SLCO3A1: variants seen among roughly 807,000 people sequenced by gnomAD.
The protein encoded by SLCO3A1 is PGE1 transporter.
SLCO3A1 carries 27 observed loss-of-function variants against 63.1 expected under a neutral mutation model. The ratio of observed to expected loss-of-function variants is 0.43; its 90% CI spans 0.32 to 0.59. The LOEUF (loss-of-function observed/expected upper bound fraction) is 0.59, where lower values mean the gene tolerates loss of function less well. Among genes scored for constraint, SLCO3A1 ranks in the 20% least tolerant of loss-of-function variants. The pLI is 0.09. For missense variants in SLCO3A1, 773 were observed against 945.8 expected, an observed-to-expected ratio of 0.82 and a Z score of 2.40; for synonymous variants, 473 against 409.9, an observed-to-expected ratio of 1.15 and a Z score of -1.86.
rs540722530 is a variant in SLCO3A1, at chr15:91,968,284, A to G, written c.646+51826A>G. On this transcript the variant is annotated intron_variant, in intron 2 of 9. Transcript: ENST00000318445. The surrounding 1 kb of genome is among the most constrained non-coding windows in gnomAD (Gnocchi z 4.2). Reference sequence around the variant, plus strand: ...CTTCTCCACCTGGGGAAAACAGCAGATGGAGGAGAGGAAAGAGAAGTTTAG... The same window carrying G: ...CTTCTCCACCTGGGGAAAACAGCAGGTGGAGGAGAGGAAAGAGAAGTTTAG... Among the ~76,000 whole-genome samples the G allele has an allele frequency of 6.6e-6, 1 of 152,202 alleles. No homozygotes were observed. The highest frequency in any genetic ancestry group is 6.5e-5 in the Admixed American group (1 of 15,288).
chr15:92,088,944 G>A (rs1301616512), intron 2 of SLCO3A1, among the ~76,000 whole-genome samples: 1 of 152,050 alleles, frequency 6.6e-6, no homozygotes, highest in Admixed American at 6.5e-5. Flanking sequence ...GGGGGCCACT[G>A]TTCTTCCTGC....
chr15:92,034,399 C>G (rs1477805835), intron 2 of SLCO3A1, among the ~76,000 whole-genome samples: 1 of 151,376 alleles, frequency 6.6e-6, no homozygotes, highest in Non-Finnish European at 1.5e-5. Context: ...CTGGAACATC[C>G]AAGTGGAGAC....
chr15:91,880,289 A>G (rs1897537871), intron 1 of SLCO3A1, among the ~76,000 whole-genome samples: 1 of 152,054 alleles, frequency 6.6e-6, no homozygotes, highest in Admixed American at 6.6e-5. Context: ...CAATAGTAAC[A>G]TATTGCAAAA....
chr15:91,871,234 A>T (rs950107260), intron 1 of SLCO3A1, among the ~76,000 whole-genome samples: 5 of 152,162 alleles, frequency 3.3e-5, no homozygotes, highest in African/African-American at 9.7e-5. Flanking sequence ...CTGAAGACTT[A>T]TGAAATGTCT....
At chr15:91,861,763 A>T (rs993201472) in intron 1 of SLCO3A1, among the ~76,000 whole-genome samples, 2 of 151,272 alleles carry the variant, frequency 1.3e-5, no homozygotes, top group African/African-American at 4.9e-5. Context: ...AGCTGGGACT[A>T]CCGGCACATA....
chr15:92,059,974 C>T (rs904085367), intron 2 of SLCO3A1, among the ~76,000 whole-genome samples: 4 of 152,150 alleles, frequency 2.6e-5, no homozygotes, highest in African/African-American at 9.7e-5. Context: ...TCCTAGGCTA[C>T]AAACCTGTAC....
chr15:92,105,408 T>G (rs997389324), intron 4 of SLCO3A1, among the ~76,000 whole-genome samples: 1 of 152,152 alleles, frequency 6.6e-6, no homozygotes, highest in Non-Finnish European at 1.5e-5. Flanking sequence ...AGTCACACTT[T>G]AGGATGCAGC....
At chr15:92,058,538 T>C (rs79974731) in intron 2 of SLCO3A1, among the ~76,000 whole-genome samples, 1,617 of 152,112 alleles carry the variant, frequency 0.011, 26 homozygotes, top group African/African-American at 0.035. Context: ...TGCTATCCCA[T>C]GGAAGAGAAG....
At chr15:92,104,158 C>A (rs996382925) in intron 3 of SLCO3A1, 121 bp from the exon 4 acceptor site, 1 of 1,158,802 alleles carries the variant, frequency 8.6e-7, no homozygotes, top group Non-Finnish European at 1.2e-6. Context: ...AGCCAGTGTT[C>A]CCGACCGCAA....
In SLCO3A1 at chr15:91,946,500, AAATGGTTCAGTCAGTTATGTT is replaced by A. The variant is rs1899810610; in HGVS notation, c.646+30044_646+30064del. 3.9e-5 allele frequency among the ~76,000 whole-genome samples: 6 copies of A among 152,348 alleles called. No homozygotes were observed. The South Asian group carries it at 1.2e-3, about 32-fold the overall frequency. On this transcript the variant is annotated intron_variant, in intron 2 of 9. Coordinates refer to ENST00000318445, the MANE Select transcript of SLCO3A1 (RefSeq NM_013272.4). ...ATTTGAAAGTGGCCAGTATGTAGGG[AAATGGTTCAGTCAGTTATGTT>A]ATATGAAAATGATGGAATATTTCCC...
In SLCO3A1 at chr15:91,994,090, G is replaced by C. The variant is rs185089796; in HGVS notation, c.646+77632G>C. On this transcript the variant is annotated intron_variant, in intron 2 of 9. Coordinates refer to ENST00000318445, the MANE Select transcript of SLCO3A1 (RefSeq NM_013272.4). ...CTTAAATTCCTGACCTATAAAATTTGCGTGACATGATAAATGTTTATTGTA... is the reference window on the plus strand; with the variant it reads ...CTTAAATTCCTGACCTATAAAATTTCCGTGACATGATAAATGTTTATTGTA... 2.7e-3 allele frequency among the ~76,000 whole-genome samples: 409 copies of C among 152,290 alleles called. 1 individual carries two copies. The highest frequency in any genetic ancestry group is 9.6e-3 in the African/African-American group (398 of 41,556).
At chr15:91,977,730 C>G (rs1008265770) in intron 2 of SLCO3A1, among the ~76,000 whole-genome samples, 14 of 152,156 alleles carry the variant, frequency 9.2e-5, no homozygotes, top group Admixed American at 8.5e-4. Context: ...CCAAAAAACA[C>G]CTGTACCCCA....
At chr15:91,945,002 G>A (rs767878167) in intron 2 of SLCO3A1, among the ~76,000 whole-genome samples, 4 of 152,132 alleles carry the variant, frequency 2.6e-5, no homozygotes, top group Non-Finnish European at 5.9e-5. Flanking sequence ...AACAGTTTTT[G>A]TTCTGAGCTA....
At position 91,856,482 on chromosome 15, in the gene SLCO3A1, G is replaced by A. The variant is rs1249719154; in HGVS notation, c.180+2394G>A. 6.6e-6 allele frequency among the ~76,000 whole-genome samples: 1 copy of A among 152,134 alleles called. No homozygotes were observed. Among genetic ancestry groups the A allele is most frequent in the Non-Finnish European group, 1.5e-5 (1 of 68,018 alleles). Reference sequence around the variant, plus strand: ...CCACTTCAGAGTTTTCTCTTCATCTGTTATTTGGGAGATGGGGAAAAAAAG... The same window carrying A: ...CCACTTCAGAGTTTTCTCTTCATCTATTATTTGGGAGATGGGGAAAAAAAG... On this transcript the variant is annotated intron_variant, in intron 1 of 9. Transcript: ENST00000318445. This position sits in a 1 kb window ranked among gnomAD's most constrained non-coding sequence, Gnocchi z 4.9.
rs961670513 is a variant in SLCO3A1, at chr15:91,882,315, C to T, written c.180+28227C>T. ...AGTGGAATTGTGGACAAACCATTCA[C>T]ACTCCTTAAATGGTATATATTGAAC... On this transcript the variant is annotated intron_variant, in intron 1 of 9. Transcript: ENST00000318445. The surrounding 1 kb of genome is among the most constrained non-coding windows in gnomAD (Gnocchi z 4.4). Among the ~76,000 whole-genome samples, 4 of 152,182 alleles carry T rather than the reference C, an allele frequency of 2.6e-5. No homozygotes were observed. The highest frequency in any genetic ancestry group is 9.7e-5 in the African/African-American group (4 of 41,448).
intron 9 of SLCO3A1, chr15:92,157,349 A>C (rs752390783): frequency 3.9e-5 from 6 of 152,170 alleles, no homozygotes; most frequent in Non-Finnish European, 8.8e-5. Flanking sequence ...CACCACCATC[A>C]TCAAGCTCCC....
chr15:92,036,125 A>G (rs2046722494), intron 2 of SLCO3A1, among the ~76,000 whole-genome samples: 1 of 152,186 alleles, frequency 6.6e-6, no homozygotes, highest in South Asian at 2.1e-4. Context: ...AAGATGCCCC[A>G]TCTGTTTTCT....
At chr15:91,959,723 C>CAAAAA (rs34759500) in intron 2 of SLCO3A1, among the ~76,000 whole-genome samples, 64 of 71,720 alleles carry the variant, frequency 8.9e-4, no homozygotes, top group East Asian at 2.1e-3. Context: ...GACTCCATCT[C>CAAAAA]AAAAAAAAAA....
chr15:92,163,477 G>A lies in SLCO3A1; in HGVS notation c.*342G>A, dbSNP rs1322637485. The A allele has an allele frequency of 6.8e-6, 7 of 1,026,982 alleles. No individual in the cohort carries two copies. Among genetic ancestry groups the A allele is most frequent in the Non-Finnish European group, 1.2e-6 (1 of 858,172 alleles). The allele number at this position is 1,026,982 out of a possible 1,614,324, so 63.6% of individuals were successfully genotyped here. ...AGGGAACAGTGGTGGCCAGCTTGGA[G>A]GATGGACATTTCTGGATACACATAC... On this transcript the variant is annotated 3_prime_UTR_variant, in exon 10 of 10. Transcript: ENST00000318445.
Sources: gnomAD v4.1 joint callset for allele counts (sites outside exome capture counted in the v4.1 genomes callset) on GRCh38, gnomAD v4.1.1 for gene constraint, Gnocchi (gnomAD v3.1) non-coding constraint, MANE v1.5 for transcripts, NCBI Gene and HGNC (gene_info 2026-07-23, HGNC 2026-07-21) for gene names.